Variants in MINPP1 observed in about 807,000 individuals in gnomAD.
MINPP1 encodes multiple inositol polyphosphate phosphatase 1.
Under a neutral mutation model 46.1 loss-of-function variants are expected in MINPP1, and 28 were observed. The observed-to-expected ratio is 0.61, with a 90% CI of 0.45 to 0.83. MINPP1 has a LOEUF of 0.83. Among genes scored for constraint, MINPP1 ranks in the 40% least tolerant of loss-of-function variants. MINPP1 has a pLI of 0.00. For missense variants in MINPP1, 603 were observed against 610.0 expected (o/e 0.99, Z 0.12); for synonymous variants, 268 against 249.1 (o/e 1.08, Z -0.72).
chr10:87,513,556 CT>C (rs1204681409), intron 3 of MINPP1, among the ~76,000 whole-genome samples: 1 of 152,112 alleles, frequency 6.6e-6, no homozygotes, highest in Non-Finnish European at 1.5e-5. Flanking sequence ...ATCCCAGATT[CT>C]TTTTATGGGA....
At chr10:87,531,767 T>C (rs1322680369) in intron 4 of MINPP1, among the ~76,000 whole-genome samples, 1 of 152,232 alleles carries the variant, frequency 6.6e-6, no homozygotes, top group African/African-American at 2.4e-5. Flanking sequence ...CGTATAAAAC[T>C]ACCTTCATGC....
intron 4 of MINPP1, among the ~76,000 whole-genome samples, chr10:87,524,551 C>T (rs1851547811): frequency 6.6e-6 from 1 of 152,200 alleles, no homozygotes; most frequent in Non-Finnish European, 1.5e-5. Flanking sequence ...GGCTAACTGA[C>T]CCAAGAGACC....
intron 4 of MINPP1, among the ~76,000 whole-genome samples, chr10:87,542,822 A>G (rs1299804684): frequency 1.3e-5 from 2 of 152,208 alleles, no homozygotes; most frequent in Admixed American, 6.5e-5. Context: ...GCAGAAACGG[A>G]CTAACACAAA....
At chr10:87,506,524 G>A (rs1227879550) in intron 1 of MINPP1, among the ~76,000 whole-genome samples, 2 of 152,058 alleles carry the variant, frequency 1.3e-5, no homozygotes, top group Admixed American at 6.5e-5. Flanking sequence ...ATTGATACAC[G>A]AACACATTAA....
At chr10:87,508,850 C>G (rs1338218808) in intron 2 of MINPP1, among the ~76,000 whole-genome samples, 1 of 151,682 alleles carries the variant, frequency 6.6e-6, no homozygotes, top group Non-Finnish European at 1.5e-5. Flanking sequence ...CTGAATTTCC[C>G]CCTGATAAAG....
At position 87,508,356 on chromosome 10, in the gene MINPP1, A is replaced by G. The variant is rs1243459615; in HGVS notation, c.658A>G (p.Thr220Ala). 10 of 1,613,184 alleles carry G rather than the reference A, an allele frequency of 6.2e-6. No homozygotes were observed. The Admixed American group carries it at 8.3e-5, about 13-fold the overall frequency. Residue 220 changes from threonine (T) to alanine (A), a missense_variant, in exon 2 of 5, where the codon ACA becomes GCA. By Grantham distance (58) the Thr-to-Ala change is moderately conservative (BLOSUM62 0). Transcript: ENST00000371996. The stretch of plus-strand genomic sequence containing the variant: ...TTCAGATATGGAGTTTGGACCTCCA[A>G]CAGTTAATGATAAACTAATGAGATT... ...DVADMEFGPP[T>A]VNDKLMRFFD...
intron 4 of MINPP1, among the ~76,000 whole-genome samples, chr10:87,546,245 C>A (rs964277197): frequency 1.3e-5 from 2 of 152,130 alleles, no homozygotes; most frequent in Non-Finnish European, 2.9e-5. Flanking sequence ...AGTTCCTTCC[C>A]TTTTTAGACC....
At chr10:87,540,476 GTCTCTGTC>G (rs1851798376) in intron 4 of MINPP1, among the ~76,000 whole-genome samples, 1 of 133,568 alleles carries the variant, frequency 7.5e-6, no homozygotes, top group African/African-American at 2.9e-5. Flanking sequence ...CTCTGTCTCT[GTCTCTGTC>G]TCTCTCTCTG....
intron 4 of MINPP1, among the ~76,000 whole-genome samples, chr10:87,535,030 A>T (rs940500345): frequency 1.3e-5 from 2 of 152,250 alleles, no homozygotes; most frequent in African/African-American, 4.8e-5. Context: ...CTCTCAGTCT[A>T]GTAAGGAAGA....
At chr10:87,524,706 T>C (rs1232711043) in intron 4 of MINPP1, among the ~76,000 whole-genome samples, 1 of 152,122 alleles carries the variant, frequency 6.6e-6, no homozygotes, top group African/African-American at 2.4e-5. Flanking sequence ...TTGACGTAAT[T>C]TCAGTATTAT....
In MINPP1 at chr10:87,552,865, T is replaced by C; in HGVS notation, c.*387T>C. Reference sequence around the variant, plus strand: ...TAACTTGATTGAACTGTCTAGGAACTTTACAGATTGTTCTGCAGTTCTCTC... The same window carrying C: ...TAACTTGATTGAACTGTCTAGGAACCTTACAGATTGTTCTGCAGTTCTCTC... On this transcript the variant is annotated 3_prime_UTR_variant, in exon 5 of 5. Transcript: ENST00000371996. 1 of 200,498 alleles carries C rather than the reference T, an allele frequency of 5.0e-6. No individual in the cohort carries two copies. The highest frequency in any genetic ancestry group is 1.0e-5 in the Non-Finnish European group (1 of 98,050). 12.4% of individuals were successfully genotyped at this position (200,498 alleles called of 1,614,324 possible). A position where few individuals can be genotyped will look rare whatever the true frequency, so the allele number is the denominator to read the frequency against.
intron 2 of MINPP1, among the ~76,000 whole-genome samples, chr10:87,510,779 T>C (rs1014884096): frequency 1.3e-5 from 2 of 152,142 alleles, no homozygotes; most frequent in African/African-American, 2.4e-5. Flanking sequence ...TCCAAATAAA[T>C]AAATAGATTT....
chr10:87,520,995 T>C, intron 3 of MINPP1, 41 bp from the exon 4 acceptor site: 5 of 785,358 alleles, frequency 6.4e-6, no homozygotes, highest in Non-Finnish European at 1.1e-5. Context: ...TCTTGTTATA[T>C]TTTTGAAAAT....
intron 3 of MINPP1, among the ~76,000 whole-genome samples, chr10:87,514,033 A>G (rs1228858649): frequency 6.6e-6 from 1 of 151,940 alleles, no homozygotes; most frequent in East Asian, 1.9e-4. Flanking sequence ...TCTCGTAAGG[A>G]TACTTGTTGA....
chr10:87,506,013 C>T (rs1564670011), intron 1 of MINPP1, among the ~76,000 whole-genome samples: 1 of 150,382 alleles, frequency 6.6e-6, no homozygotes. Flanking sequence ...CTAGTTTTTC[C>T]TTCTTTCTTT....
In MINPP1 at chr10:87,504,989, C is replaced by T. The variant is rs773618197; in HGVS notation, c.74C>T (p.Ser25Leu). Residue 25 changes from serine (S) to leucine (L), a missense_variant, in exon 1 of 5, where the codon TCG becomes TTG. By Grantham distance (145) the Ser-to-Leu change is moderately radical. Coordinates refer to ENST00000371996, the MANE Select transcript of MINPP1 (RefSeq NM_004897.5). ...GCGGCCCTGGCTGCGGCGCTGCTCT[C>T]GTCGCTTGCGCGCTGCTCTCTTCTA... ...PAAALAAALL[S>L]SLARCSLLEP... is the part of the protein sequence containing the mutation. The T allele has an allele frequency of 2.5e-6, 4 of 1,612,566 alleles. No homozygotes were observed. The highest frequency in any genetic ancestry group is 3.4e-6 in the Non-Finnish European group (4 of 1,179,746).
At chr10:87,518,440 T>C (rs1055944496) in intron 3 of MINPP1, among the ~76,000 whole-genome samples, 6 of 152,142 alleles carry the variant, frequency 3.9e-5, no homozygotes, top group Non-Finnish European at 7.4e-5. Context: ...CTTGATTTCA[T>C]TGCCTTTGTG....
At position 87,548,924 on chromosome 10, in the gene MINPP1, A is replaced by C. The variant is rs74151905; in HGVS notation, c.1068-3158A>C. 3.3e-5 allele frequency among the ~76,000 whole-genome samples: 5 copies of C among 152,270 alleles called. No individual in the cohort carries two copies. In the South Asian group the frequency reaches 8.3e-4, roughly 25 times the overall value. ...TAAAAAGTTAGCACTTTTCCTTCCT[A>C]TTGAAAATTGTCTGGAATTCTAAAA... On this transcript the variant is annotated intron_variant, in intron 4 of 4. Transcript: ENST00000371996.
chr10:87,538,049 C>T (rs984015878), intron 4 of MINPP1, among the ~76,000 whole-genome samples: 2 of 151,434 alleles, frequency 1.3e-5, no homozygotes, highest in African/African-American at 2.4e-5. Context: ...CAGTCCTTCC[C>T]CTCTGCTTCT....
Sources: allele counts gnomAD v4.1 joint callset (sites outside exome capture counted in the v4.1 genomes callset), GRCh38; gene constraint gnomAD v4.1.1; transcripts MANE v1.5; gene names NCBI Gene and HGNC (gene_info 2026-07-23, HGNC 2026-07-21).